Variants in NGEF observed in about 807,000 individuals in gnomAD.
The protein encoded by NGEF is ephexin-1.
In NGEF, 31 loss-of-function variants were observed where a neutral mutation model predicts 80.9. That is an observed-to-expected ratio of 0.38 (90% CI 0.29 to 0.52). The LOEUF (loss-of-function observed/expected upper bound fraction) is 0.52, where lower values mean the gene tolerates loss of function less well. NGEF is among the 20% of genes least tolerant of loss of function. The pLI is 0.84. For synonymous variants in NGEF, 371 were observed against 370.2 expected, an observed-to-expected ratio of 1.00 and a Z score of -0.03; for missense variants, 709 against 926.2, an observed-to-expected ratio of 0.77 and a Z score of 3.04.
Position 232,895,033 on chromosome 2 carries a change from G to A in NGEF, c.829-117C>T, listed in dbSNP as rs141585155. On this transcript the variant is annotated intron_variant, in intron 5 of 14. Transcript: ENST00000264051. ...AGCAGGGAGTTGAAAGGGAAAAATC[G>A]CCTGCTCCTGGGGCCTGGGATGGCT... The A allele has an allele frequency of 3.3e-5, 39 of 1,194,682 alleles. No homozygotes were observed. In the East Asian group the frequency reaches 7.4e-4, roughly 23 times the overall value. The allele number at this position is 1,194,682 out of a possible 1,614,324, so 74.0% of individuals were successfully genotyped here.
chr2:233,005,413 G>A (rs1695064616), intron 1 of NGEF, among the ~76,000 whole-genome samples: 1 of 152,192 alleles, frequency 6.6e-6, no homozygotes, highest in South Asian at 2.1e-4. Flanking sequence ...ATTCTCAGCT[G>A]GGAAGGTGAG....
chr2:232,983,771 G>T (rs1213545151), intron 1 of NGEF, among the ~76,000 whole-genome samples: 1 of 152,138 alleles, frequency 6.6e-6, no homozygotes, highest in Non-Finnish European at 1.5e-5. Context: ...ACAACTCATT[G>T]AATACCAGTT....
intron 1 of NGEF, among the ~76,000 whole-genome samples, chr2:233,002,254 A>C (rs1363427031): frequency 6.6e-6 from 1 of 152,244 alleles, no homozygotes; most frequent in Non-Finnish European, 1.5e-5. Flanking sequence ...AAAAAAACCC[A>C]GTTAGCACAT....
chr2:232,939,202 ACT>A (rs1559216241), intron 3 of NGEF, among the ~76,000 whole-genome samples: 1 of 147,212 alleles, frequency 6.8e-6, no homozygotes, highest in Non-Finnish European at 1.5e-5. Context: ...AAAAAAAAGG[ACT>A]CAACCTGTAA....
At position 232,892,840 on chromosome 2, in the gene NGEF, G is replaced by A. The variant is rs1005471432; in HGVS notation, c.1142+58C>T. On this transcript the variant is annotated intron_variant, in intron 7 of 14. Coordinates refer to ENST00000264051, the MANE Select transcript of NGEF (RefSeq NM_019850.3). This position sits in a 1 kb window ranked among gnomAD's most constrained non-coding sequence, Gnocchi z 4.0. ...CGTGTAAGGAGCCTGGGCCAGCACT[G>A]GTATGGCTGCCCCGGGCACCTCCCC... The A allele has an allele frequency of 1.2e-5, 19 of 1,568,714 alleles. No individual in the cohort carries two copies. Among genetic ancestry groups the A allele is most frequent in the Middle Eastern group, 3.5e-4 (2 of 5,726 alleles).
At position 232,885,637 on chromosome 2, in the gene NGEF, G is replaced by A. The variant is rs528386615; in HGVS notation, c.1348-268C>T. 5.1e-5 allele frequency: 24 copies of A among 472,728 alleles called. No individual in the cohort carries two copies. In the East Asian group the frequency reaches 6.4e-4, roughly 13 times the overall value. The allele number at this position is 472,728 out of a possible 1,614,324, so 29.3% of individuals were successfully genotyped here. On this transcript the variant is annotated intron_variant, in intron 9 of 14. Transcript: ENST00000264051. ...GAAGCAAACTCCAGAAAACACATGC[G>A]TGAGGCATCCCTCCTCCTCTGTAGG...
chr2:233,011,638 G>C lies in NGEF; in HGVS notation c.-75+1430C>G, dbSNP rs148519925. Among the ~76,000 whole-genome samples, 110 of 151,264 alleles carry C rather than the reference G, an allele frequency of 7.3e-4. 1 individual carries two copies. The highest frequency in any genetic ancestry group is 2.6e-3 in the Admixed American group (39 of 15,222). On this transcript the variant is annotated intron_variant, in intron 1 of 14. Coordinates refer to ENST00000264051, the MANE Select transcript of NGEF (RefSeq NM_019850.3). ...GACAGAGTCTTGCCAGGTTGCCCAGGTTGGAATGCAGTGATATGATCATAG... is the reference window on the plus strand; with the variant it reads ...GACAGAGTCTTGCCAGGTTGCCCAGCTTGGAATGCAGTGATATGATCATAG...
At chr2:232,896,725 A>G (rs1692092970) in intron 5 of NGEF, among the ~76,000 whole-genome samples, 1 of 21,312 alleles carries the variant, frequency 4.7e-5, no homozygotes, top group Non-Finnish European at 8.0e-5. Context: ...GGTGAGTGCA[A>G]AAGTAGGGGT....
intron 3 of NGEF, 46 bp from the exon 4 acceptor site, chr2:232,927,232 G>A (rs1693092197): frequency 1.3e-6 from 2 of 1,511,072 alleles, no homozygotes; most frequent in East Asian, 4.7e-5. Flanking sequence ...TTTAAGCAAG[G>A]ATTCACCTCG....
intron 3 of NGEF, among the ~76,000 whole-genome samples, chr2:232,948,113 G>C (rs1693597479): frequency 6.6e-6 from 1 of 151,648 alleles, no homozygotes. Context: ...GAGGACAATT[G>C]GGGGCCATGG....
intron 1 of NGEF, among the ~76,000 whole-genome samples, chr2:232,997,038 G>T (rs1481858638): frequency 5.9e-5 from 9 of 152,292 alleles, no homozygotes; most frequent in Non-Finnish European, 1.0e-4. Context: ...GTTCTCTCTT[G>T]TGCCTGGCGT....
chr2:233,006,249 A>G (rs1050024505), intron 1 of NGEF, among the ~76,000 whole-genome samples: 3 of 152,208 alleles, frequency 2.0e-5, no homozygotes, highest in Non-Finnish European at 4.4e-5. Flanking sequence ...TTTCCACACC[A>G]GCATTTACCA....
At chr2:232,920,071 T>C (rs1414991473) in intron 5 of NGEF, among the ~76,000 whole-genome samples, 2 of 152,264 alleles carry the variant, frequency 1.3e-5, no homozygotes, top group Non-Finnish European at 2.9e-5. Context: ...ACGCTCAATG[T>C]TGGGGGTGAG....
chr2:232,970,700 A>G (rs187022902), intron 2 of NGEF, among the ~76,000 whole-genome samples: 1 of 152,150 alleles, frequency 6.6e-6, no homozygotes, highest in Non-Finnish European at 1.5e-5. Context: ...CTGTGATCCA[A>G]GCTACCTGGG....
intron 3 of NGEF, among the ~76,000 whole-genome samples, chr2:232,944,189 G>A (rs930577169): frequency 5.9e-5 from 9 of 151,948 alleles, no homozygotes; most frequent in Admixed American, 3.3e-4. Context: ...AACTGAGATC[G>A]CACCACTGCA....
intron 1 of NGEF, among the ~76,000 whole-genome samples, chr2:232,993,232 A>G (rs1358269217): frequency 5.7e-5 from 2 of 35,094 alleles, no homozygotes; most frequent in Non-Finnish European, 1.1e-4. Context: ...ACACACATAT[A>G]TATGTATATT....
intron 5 of NGEF, among the ~76,000 whole-genome samples, chr2:232,906,247 C>T (rs1692530137): frequency 9.1e-6 from 1 of 109,402 alleles, no homozygotes; most frequent in Admixed American, 8.6e-5. Context: ...CCCGGCCAGC[C>T]GCCCCATCCG....
In NGEF at chr2:232,985,023, C is replaced by T. The variant is rs551618734; in HGVS notation, c.-74-10059G>A. Among the ~76,000 whole-genome samples the T allele has an allele frequency of 8.5e-4, 129 of 152,218 alleles. 1 individual carries two copies. In the South Asian group the frequency reaches 8.7e-3, roughly 10 times the overall value. On this transcript the variant is annotated intron_variant, in intron 1 of 14. Coordinates refer to ENST00000264051, the MANE Select transcript of NGEF (RefSeq NM_019850.3). Reference sequence around the variant, plus strand: ...GGGACAGCTCTCAGGATCCCCCAGCCATCTCTCCAGCCACAGTGCCATTTG... The same window carrying T: ...GGGACAGCTCTCAGGATCCCCCAGCTATCTCTCCAGCCACAGTGCCATTTG...
intron 1 of NGEF, among the ~76,000 whole-genome samples, chr2:233,006,327 T>C (rs902302796): frequency 1.3e-5 from 2 of 152,186 alleles, no homozygotes; most frequent in South Asian, 2.1e-4. Context: ...TCTCAAGCAA[T>C]ATTATTCACT....
Sources: allele counts gnomAD v4.1 joint callset (sites outside exome capture counted in the v4.1 genomes callset), GRCh38; gene constraint gnomAD v4.1.1; non-coding constraint Gnocchi (gnomAD v3.1); transcripts MANE v1.5; gene names NCBI Gene and HGNC (gene_info 2026-07-23, HGNC 2026-07-21).